The following RNF213 variants were observed in gnomAD, a reference collection of about 807,000 sequenced individuals.
The protein encoded by RNF213 is ring finger protein 213.
A neutral mutation model predicts 514.4 loss-of-function variants in RNF213; 341 were observed. The ratio of observed to expected loss-of-function variants is 0.66; its 90% CI spans 0.61 to 0.73. The LOEUF is 0.73. Ranked by LOEUF, RNF213 falls within the 30% of genes least tolerant of loss-of-function variation. The probability of loss-of-function intolerance (pLI) is 0.00; values close to 1 mark genes in which losing one functional copy is unlikely to be tolerated. For missense variants in RNF213, 5,767 were observed against 6,615.6 expected, an observed-to-expected ratio of 0.87 and a Z score of 4.45; for synonymous variants, 2,655 against 2,658.2, an observed-to-expected ratio of 1.00 and a Z score of 0.04.
chr17:80,286,066 C>G (rs1256562281), intron 3 of RNF213, among the ~76,000 whole-genome samples: 1 of 152,172 alleles, frequency 6.6e-6, no homozygotes, highest in Admixed American at 6.5e-5. Context: ...TTAGAGTCAG[C>G]CTGCGCTGGG....
At chr17:80,348,455 C>T (rs192044523) in intron 29 of RNF213, among the ~76,000 whole-genome samples, 169 bp downstream of exon 29, 80 of 152,352 alleles carry the variant, frequency 5.3e-4, no homozygotes, top group African/African-American at 1.5e-3. Context: ...TCCAGTTAAC[C>T]AGGTGCTGAG....
Position 80,295,506 on chromosome 17 carries a change from C to T in RNF213, c.1756-51C>T, listed in dbSNP as rs141984643. 829 of 1,611,206 alleles carry T rather than the reference C, an allele frequency of 5.1e-4. 1 individual carries two copies. The highest frequency in any genetic ancestry group is 4.9e-3 in the Middle Eastern group (28 of 5,678). ...GTGCTGGGGCAGCTCTGGACACTGC[C>T]GGTGAATTCAAGTCCATGGTTCATG... On this transcript the variant is annotated intron_variant, in intron 9 of 67. Coordinates refer to ENST00000582970, the MANE Select transcript of RNF213 (RefSeq NM_001256071.3).
chr17:80,369,673 T>C lies in RNF213; in HGVS notation c.12325+2T>C. 2.5e-6 allele frequency: 4 copies of C among 1,614,184 alleles called. No individual in the cohort carries two copies. Among genetic ancestry groups the C allele is most frequent in the Non-Finnish European group, 3.4e-6 (4 of 1,180,040 alleles). On this transcript the variant is annotated splice_donor_variant, in intron 45 of 67. Coordinates refer to ENST00000582970, the MANE Select transcript of RNF213 (RefSeq NM_001256071.3). LOFTEE classifies it high-confidence loss of function. ...GGCGCTTAAGAGATGCTGCCCAGAG[T>C]AGGTTGCTTTCTTCCTGTAAACCTA...
rs765683325 is a variant in RNF213 at position 80,343,349 on chromosome 17, G to A, written c.6183+24G>A. Reference sequence around the variant, plus strand: ...CAGTAAGTGCCCTCCAGCGTCAGCCGATGGCCACATCAGTAAAGACGTGGT... The same window carrying A: ...CAGTAAGTGCCCTCCAGCGTCAGCCAATGGCCACATCAGTAAAGACGTGGT... On this transcript the variant is annotated intron_variant, in intron 27 of 67. Coordinates refer to ENST00000582970, the MANE Select transcript of RNF213 (RefSeq NM_001256071.3). The surrounding 1 kb of genome is among the most constrained non-coding windows in gnomAD (Gnocchi z 4.3). 4.4e-6 allele frequency: 7 copies of A among 1,599,348 alleles called. No homozygotes were observed. The Admixed American group carries it at 5.1e-5, about 12-fold the overall frequency.
rs997743501 is a variant in RNF213 at position 80,298,283 on chromosome 17, C to G, written c.2013-38C>G. ...GACTCCCAGGGAGATGACTCCCTGG[C>G]CAGCTCAGCTCACTGCGGGATCTTT... On this transcript the variant is annotated intron_variant, in intron 10 of 67. Transcript: ENST00000582970. The G allele has an allele frequency of 3.7e-6, 6 of 1,606,646 alleles. No individual in the cohort carries two copies. In the African/African-American group the frequency reaches 6.7e-5, roughly 18 times the overall value.
chr17:80,386,988 C>G, intron 63 of RNF213, 97 bp downstream of exon 63: 1 of 1,195,582 alleles, frequency 8.4e-7, no homozygotes, highest in South Asian at 1.3e-5. Context: ...AGCACCTCAC[C>G]CTGCAGTCTG....
At chr17:80,390,985 C>G (rs562655597) in intron 67 of RNF213, among the ~76,000 whole-genome samples, 1 of 152,206 alleles carries the variant, frequency 6.6e-6, no homozygotes, top group African/African-American at 2.4e-5. Context: ...TTGCTTTAAC[C>G]TGGGAGGTGG....
chr17:80,354,394 C>G, intron 35 of RNF213, 47 bp from the exon 36 acceptor site: 1 of 1,613,810 alleles, frequency 6.2e-7, no homozygotes, highest in South Asian at 1.1e-5. Flanking sequence ...CCGGAGCCAA[C>G]AGCTCAGCCA....
Position 80,294,820 on chromosome 17 carries a change from G to A in RNF213, c.1572G>A (p.Lys524=). Residue 524 remains lysine, a synonymous_variant, in exon 9 of 68, where the codon AAG becomes AAA. Transcript: ENST00000582970. ...ITDGPRKDLV[K]GKQIAAALML... Reference sequence around the variant, plus strand: ...ACGGGCCGAGGAAGGACCTGGTGAAGGGGAAGCAGATTGCCGCTGCGCTCA... The same window carrying A: ...ACGGGCCGAGGAAGGACCTGGTGAAAGGGAAGCAGATTGCCGCTGCGCTCA... 1.2e-6 allele frequency: 2 copies of A among 1,614,222 alleles called. No homozygotes were observed. The highest frequency in any genetic ancestry group is 1.7e-6 in the Non-Finnish European group (2 of 1,180,050).
At chr17:80,369,918 C>T in intron 46 of RNF213, 51 bp downstream of exon 46, 1 of 1,263,136 alleles carries the variant, frequency 7.9e-7, no homozygotes. Context: ...TTTTTCTCTT[C>T]ATCGCAGCGT....
chr17:80,305,776 T>C (rs2045337304), intron 11 of RNF213, among the ~76,000 whole-genome samples: 1 of 151,918 alleles, frequency 6.6e-6, no homozygotes, highest in South Asian at 2.1e-4. Context: ...TGTGCCACCA[T>C]GCCTGGCTGA....
chr17:80,358,865 C>T (rs1025838965), intron 37 of RNF213, among the ~76,000 whole-genome samples: 2 of 152,022 alleles, frequency 1.3e-5, no homozygotes, highest in South Asian at 2.1e-4. Flanking sequence ...GCCGAGATGG[C>T]GCCACTGCAC....
At position 80,281,769 on chromosome 17, in the gene RNF213, C is replaced by T. The variant is rs183410259; in HGVS notation, c.262-6046C>T. Reference sequence around the variant, plus strand: ...GGGTCGGTTCCAGGACCGCGGAGGACGCCAAAATCCAAGGATGCCCAGTCC... The same window carrying T: ...GGGTCGGTTCCAGGACCGCGGAGGATGCCAAAATCCAAGGATGCCCAGTCC... On this transcript the variant is annotated intron_variant, in intron 3 of 67. Transcript: ENST00000582970. Among the ~76,000 whole-genome samples the T allele has an allele frequency of 2.3e-3, 357 of 152,232 alleles. 2 individuals are homozygous for T. Among genetic ancestry groups the T allele is most frequent in the African/African-American group, 8.1e-3 (338 of 41,544 alleles).
Position 80,344,870 on chromosome 17 carries a change from G to C in RNF213, c.6535G>C (p.Asp2179His). 1 of 1,614,140 alleles carries C rather than the reference G, an allele frequency of 6.2e-7. No homozygotes were observed. Among genetic ancestry groups the C allele is most frequent in the Non-Finnish European group, 8.5e-7 (1 of 1,180,038 alleles). Residue 2179 changes from aspartate to histidine, a missense_variant, in exon 29 of 68, where the codon GAC becomes CAC. Asp to His is a moderately conservative substitution (Grantham distance 81, BLOSUM62 -1). This residue lies in a region of RNF213 where 1,377 missense variants were observed against 1,635.2 expected (regional missense o/e 0.84). Coordinates refer to ENST00000582970, the MANE Select transcript of RNF213 (RefSeq NM_001256071.3). ...QYLRRFNQNQ[D>H]LDTFQYQEGS... ...TTTAAGACGATTCAATCAAAACCAA[G>C]ACCTAGACACGTTTCAGTATCAAGA...
At position 80,340,314 on chromosome 17, in the gene RNF213, C is replaced by A. The variant is rs116608867; in HGVS notation, c.5947C>A (p.Arg1983=). 1.2e-6 allele frequency: 2 copies of A among 1,609,790 alleles called. No individual in the cohort carries two copies. Among genetic ancestry groups the A allele is most frequent in the South Asian group, 1.1e-5 (1 of 91,012 alleles). ...TLSAAAVFND[R]LCVGIVASER... ...GTCGGCGGCAGCCGTGTTCAATGAC[C>A]GGCTGTGTGTTGGGATCGTGGCCTC... Residue 1983 remains arginine (R), a synonymous_variant, in exon 26 of 68, where the codon CGG becomes AGG. Coordinates refer to ENST00000582970, the MANE Select transcript of RNF213 (RefSeq NM_001256071.3).
intron 15 of RNF213, among the ~76,000 whole-genome samples, chr17:80,313,643 G>A (rs1241631788): frequency 4.0e-5 from 6 of 148,908 alleles, no homozygotes; most frequent in Non-Finnish European, 9.0e-5. Flanking sequence ...TGGTGGTGAT[G>A]GTGATGGTTG....
intron 11 of RNF213, among the ~76,000 whole-genome samples, chr17:80,302,248 C>T (rs1045275505): frequency 5.9e-5 from 9 of 152,098 alleles, no homozygotes; most frequent in African/African-American, 2.2e-4. Context: ...CAATTTATTA[C>T]GTTTTTCAAA....
chr17:80,283,053 G>A (rs2044352733), intron 3 of RNF213, among the ~76,000 whole-genome samples: 1 of 152,066 alleles, frequency 6.6e-6, no homozygotes, highest in Non-Finnish European at 1.5e-5. Context: ...AATGTAGGGG[G>A]ATATTTATAA....
At chr17:80,303,816 C>T (rs554934352) in intron 11 of RNF213, among the ~76,000 whole-genome samples, 7 of 151,640 alleles carry the variant, frequency 4.6e-5, no homozygotes, top group East Asian at 3.9e-4. Context: ...GTGATCTGCC[C>T]GCCTCAGCCT....
Sources: gnomAD v4.1 joint callset for allele counts (sites outside exome capture counted in the v4.1 genomes callset) on GRCh38, gnomAD v4.1.1 for gene constraint, gnomAD v4.1.1 regional missense constraint, Gnocchi (gnomAD v3.1) non-coding constraint, MANE v1.5 for transcripts, NCBI Gene and HGNC (gene_info 2026-07-23, HGNC 2026-07-21) for gene names.